COL9A1: variants seen among roughly 807,000 people sequenced by gnomAD.
The protein encoded by COL9A1 is collagen type IX alpha 1 chain, also known as collagen alpha-1(IX) chain.
Under a neutral mutation model 142.6 loss-of-function variants are expected in COL9A1, and 104 were observed. That is an observed-to-expected ratio of 0.73 (90% CI 0.62 to 0.86). The LOEUF is 0.86. Among genes scored for constraint, COL9A1 ranks in the 40% least tolerant of loss-of-function variants. The probability of loss-of-function intolerance (pLI) is 0.00; values close to 1 mark genes in which losing one functional copy is unlikely to be tolerated. For missense variants in COL9A1, 1,210 were observed against 1,176.6 expected, an observed-to-expected ratio of 1.03 and a Z score of -0.42; for synonymous variants, 466 against 396.0, an observed-to-expected ratio of 1.18 and a Z score of -2.10.
In COL9A1 at chr6:70,239,245, C is replaced by A; in HGVS notation, c.2112+9G>T. On this transcript the variant is annotated intron_variant, in intron 33 of 37. Transcript: ENST00000357250. ...ATTTTTTTATACCATTACTATTCAC[C>A]ATACTTACAGATCCCTTTGGGCCAG... is the stretch of plus-strand genomic sequence containing the variant. The A allele has an allele frequency of 2.0e-6, 3 of 1,532,716 alleles. No homozygotes were observed. Among genetic ancestry groups the A allele is most frequent in the Non-Finnish European group, 2.7e-6 (3 of 1,106,634 alleles). The allele number at this position is 1,532,716 out of a possible 1,614,324, so 94.9% of individuals were successfully genotyped here.
At chr6:70,259,361 C>G (rs910883215) in intron 20 of COL9A1, among the ~76,000 whole-genome samples, 2 of 152,186 alleles carry the variant, frequency 1.3e-5, no homozygotes, top group East Asian at 3.9e-4. Context: ...TCAGAAGTGA[C>G]AGTGGGCAAA....
At chr6:70,266,324 T>G (rs1583293021) in intron 18 of COL9A1, among the ~76,000 whole-genome samples, 2 of 152,344 alleles carry the variant, frequency 1.3e-5, no homozygotes, top group South Asian at 4.1e-4. Context: ...CTTCTCTGTT[T>G]GCTAGTCTCA....
rs2296929 is a variant in COL9A1, at chr6:70,271,559, T to G, written c.1143+96A>C. On this transcript the variant is annotated intron_variant, in intron 14 of 37. Transcript: ENST00000357250. ...GAAATTCATCTGCCATGTTTTGGTT[T>G]GCAAGTGGAAATGTACAGTTAGGGT... 25 of 1,042,886 alleles carry G rather than the reference T, an allele frequency of 2.4e-5. No homozygotes were observed. The East Asian group carries it at 5.9e-4, about 25-fold the overall frequency. 64.6% of individuals were successfully genotyped at this position (1,042,886 alleles called of 1,614,324 possible).
intron 4 of COL9A1, 86 bp downstream of exon 4, chr6:70,299,957 C>A: frequency 7.8e-7 from 1 of 1,279,102 alleles, no homozygotes; most frequent in South Asian, 1.2e-5. Context: ...AAACATTGAT[C>A]ATAAGAAAAC....
At chr6:70,263,141 G>T in intron 19 of COL9A1, 103 bp downstream of exon 19, 1 of 900,472 alleles carries the variant, frequency 1.1e-6, no homozygotes, top group Non-Finnish European at 1.7e-6. Context: ...CCAAGTTCAT[G>T]TAATGCTATT....
chr6:70,296,615 C>G (rs1773859185), intron 4 of COL9A1, among the ~76,000 whole-genome samples: 1 of 152,064 alleles, frequency 6.6e-6, no homozygotes, highest in Non-Finnish European at 1.5e-5. Flanking sequence ...CTAAGATTCA[C>G]TATTCACAAT....
intron 16 of COL9A1, 126 bp from the exon 17 acceptor site, chr6:70,268,986 T>C (rs1772222473): frequency 1.3e-6 from 1 of 750,418 alleles, no homozygotes; most frequent in Non-Finnish European, 2.3e-6. Context: ...ATAATATTCA[T>C]TGAATAATTC....
At chr6:70,234,235 AGTGT>A (rs71538408) in intron 35 of COL9A1, among the ~76,000 whole-genome samples, 310 of 146,976 alleles carry the variant, frequency 2.1e-3, no homozygotes, top group Non-Finnish European at 3.5e-3. Flanking sequence ...AAAGGAAAAA[AGTGT>A]GTGTGTGTGT....
rs1458579339 is a variant in COL9A1, at chr6:70,268,859, C to T, written c.1232G>A (p.Cys411Tyr). ...GCGACCTGGTGGACAGGCATTGGGA[C>T]ACTGCCAGGGAGAGAGGGAACAAAG... ...TIGFHDGDPL[C>Y]PNACPPGRSG... is the part of the protein sequence containing the mutation. Residue 411 changes from cysteine (C) to tyrosine (Y), a missense_variant and splice_region_variant, in exon 17 of 38, where the codon TGT (cysteine) becomes TAT (tyrosine). Cys to Tyr is a radical substitution (Grantham distance 194). Coordinates refer to ENST00000357250, the MANE Select transcript of COL9A1 (RefSeq NM_001851.6). 3 of 1,613,710 alleles carry T rather than the reference C, an allele frequency of 1.9e-6. No individual in the cohort carries two copies. The highest frequency in any genetic ancestry group is 1.7e-5 in the Admixed American group (1 of 59,988).
rs1187293191 is a variant in COL9A1 at position 70,237,605 on chromosome 6, ACTTTT to A, written c.2112+1644_2112+1648del. ...ATTCTTGTCACTGCATGGTTCATTA[ACTTTT>A]CTTTTGTTACAGCTTGAATTCTTTC... On this transcript the variant is annotated intron_variant, in intron 33 of 37. Transcript: ENST00000357250. Among the ~76,000 whole-genome samples the A allele has an allele frequency of 2.6e-5, 4 of 152,300 alleles. No homozygotes were observed. In the East Asian group the frequency reaches 7.7e-4, roughly 29 times the overall value.
At chr6:70,237,597 G>T (rs1428153299) in intron 33 of COL9A1, among the ~76,000 whole-genome samples, 1 of 152,158 alleles carries the variant, frequency 6.6e-6, no homozygotes, top group Non-Finnish European at 1.5e-5. Flanking sequence ...TCACTGCATG[G>T]TTCATTAACT....
At chr6:70,256,963 A>G in intron 20 of COL9A1, 142 bp from the exon 21 acceptor site, 1 of 712,000 alleles carries the variant, frequency 1.4e-6, no homozygotes, top group South Asian at 1.7e-5. Context: ...CTGAGGAGTA[A>G]TTACTCAGGC....
At chr6:70,218,437 G>T (rs926462093) in intron 37 of COL9A1, among the ~76,000 whole-genome samples, 2 of 152,156 alleles carry the variant, frequency 1.3e-5, no homozygotes, top group Admixed American at 6.5e-5. Context: ...AATTTCTGCT[G>T]AATGTTTACC....
At chr6:70,242,600 G>T in intron 29 of COL9A1, 62 bp downstream of exon 29, 3 of 1,402,746 alleles carry the variant, frequency 2.1e-6, no homozygotes, top group Non-Finnish European at 3.0e-6. Flanking sequence ...TTCTCCTCTT[G>T]CTTATTTTTA....
At chr6:70,286,144 C>T (rs1389647967) in intron 5 of COL9A1, among the ~76,000 whole-genome samples, 2 of 152,010 alleles carry the variant, frequency 1.3e-5, no homozygotes, top group Non-Finnish European at 2.9e-5. Context: ...GCCTCGGCCT[C>T]CCAAAGTTCT....
intron 5 of COL9A1, 49 bp from the exon 6 acceptor site, chr6:70,283,869 G>A: frequency 1.5e-6 from 2 of 1,354,668 alleles, no homozygotes; most frequent in South Asian, 2.5e-5. Flanking sequence ...GACGACTGAA[G>A]CTGGTCATTC....
At chr6:70,240,984 T>C (rs1382811975) in intron 31 of COL9A1, among the ~76,000 whole-genome samples, 1 of 152,168 alleles carries the variant, frequency 6.6e-6, no homozygotes, top group African/African-American at 2.4e-5. Flanking sequence ...TATTCAACAA[T>C]TTTATAATTG....
At chr6:70,291,199 G>T (rs1773644878) in intron 5 of COL9A1, among the ~76,000 whole-genome samples, 1 of 152,104 alleles carries the variant, frequency 6.6e-6, no homozygotes, top group South Asian at 2.1e-4. Flanking sequence ...ATGAGTGTTT[G>T]ACTACCTTCA....
At chr6:70,279,669 A>AC (rs1773002893) in intron 10 of COL9A1, 1 of 177,790 alleles carries the variant, frequency 5.6e-6, no homozygotes, top group African/African-American at 2.5e-5. Flanking sequence ...AAAAAAAAAA[A>AC]ACACATACAC....
Sources: gnomAD v4.1 joint callset for allele counts (sites outside exome capture counted in the v4.1 genomes callset) on GRCh38, gnomAD v4.1.1 for gene constraint, MANE v1.5 for transcripts, NCBI Gene and HGNC (gene_info 2026-07-23, HGNC 2026-07-21) for gene names.